The following NLGN1 variants were observed in gnomAD, a reference collection of about 807,000 sequenced individuals.
NLGN1 encodes neuroligin-1.
A neutral mutation model predicts 65.5 loss-of-function variants in NLGN1; 12 were observed. The observed-to-expected ratio is 0.18, with a 90% CI of 0.12 to 0.30. The LOEUF (loss-of-function observed/expected upper bound fraction) is 0.30. Among genes scored for constraint, NLGN1 ranks in the 10% least tolerant of loss-of-function variants. The pLI, the probability that NLGN1 is intolerant of heterozygous loss-of-function variation, is 1.00. For synonymous variants in NLGN1, 350 were observed against 359.5 expected, an observed-to-expected ratio of 0.97 and a Z score of 0.30; for missense variants, 750 against 1,007.1, an observed-to-expected ratio of 0.74 and a Z score of 3.46.
intron 3 of NLGN1, among the ~76,000 whole-genome samples, chr3:173,646,859 C>A (rs1758350221): frequency 6.6e-6 from 1 of 151,996 alleles, no homozygotes; most frequent in Admixed American, 6.5e-5. Context: ...ACATTGAAGG[C>A]AAATGTTTTA....
At chr3:173,612,640 C>T (rs1355647121) in intron 3 of NLGN1, among the ~76,000 whole-genome samples, 1 of 152,034 alleles carries the variant, frequency 6.6e-6, no homozygotes, top group African/African-American at 2.4e-5. Context: ...ACTTAGGGCC[C>T]TTTCTAATCC....
At chr3:173,665,573 A>G (rs1000457292) in intron 3 of NLGN1, among the ~76,000 whole-genome samples, 5 of 152,174 alleles carry the variant, frequency 3.3e-5, no homozygotes, top group African/African-American at 1.2e-4. Flanking sequence ...GGTTTACATA[A>G]TTGACATTGA....
chr3:173,527,548 C>T (rs146352018), intron 2 of NLGN1, among the ~76,000 whole-genome samples: 3,606 of 152,226 alleles, frequency 0.024, 56 homozygotes, highest in Middle Eastern at 0.048. Flanking sequence ...CAGGCGCCCG[C>T]CACCACGCCC....
intron 2 of NLGN1, among the ~76,000 whole-genome samples, chr3:173,453,265 G>T (rs1231556709): frequency 6.6e-6 from 1 of 151,308 alleles, no homozygotes; most frequent in Non-Finnish European, 1.5e-5. Flanking sequence ...TGTTGTACGT[G>T]TGTGTGTGTG....
chr3:173,659,310 AG>A (rs1760565282), intron 3 of NLGN1, among the ~76,000 whole-genome samples: 2 of 152,146 alleles, frequency 1.3e-5, no homozygotes, highest in South Asian at 4.1e-4. Flanking sequence ...ACCATATTAA[AG>A]AAAGGGCATT....
exon 7 of NLGN1, chr3:174,282,704 G>A (rs935100637): frequency 6.6e-6 from 1 of 152,114 alleles, no homozygotes; most frequent in Admixed American, 6.6e-5. Flanking sequence ...GTAATCAGAT[G>A]TACATTTATA....
chr3:174,026,791 TA>T (rs1728926634), intron 4 of NLGN1, among the ~76,000 whole-genome samples: 1 of 152,196 alleles, frequency 6.6e-6, no homozygotes, highest in Non-Finnish European at 1.5e-5. Context: ...AAACCACTTC[TA>T]TTACACAGCT....
chr3:174,090,337 G>C (rs1193824673), intron 4 of NLGN1, among the ~76,000 whole-genome samples: 2 of 152,080 alleles, frequency 1.3e-5, no homozygotes, highest in Non-Finnish European at 2.9e-5. Flanking sequence ...GCCTGGCGTG[G>C]TGGCAGGTGC....
chr3:174,021,466 T>C (rs1727735082), intron 4 of NLGN1, among the ~76,000 whole-genome samples: 1 of 152,150 alleles, frequency 6.6e-6, no homozygotes, highest in South Asian at 2.1e-4. Flanking sequence ...GTTTTGTTTT[T>C]TATTTATCAT....
intron 4 of NLGN1, among the ~76,000 whole-genome samples, chr3:174,081,047 G>C (rs1483382316): frequency 2.0e-5 from 3 of 151,594 alleles, no homozygotes; most frequent in African/African-American, 7.3e-5. Flanking sequence ...GAGAAATCTA[G>C]TTATTGTGTT....
At chr3:173,994,465 CAAA>C (rs1170577220) in intron 4 of NLGN1, among the ~76,000 whole-genome samples, 13 of 32,906 alleles carry the variant, frequency 4.0e-4, no homozygotes, top group South Asian at 2.1e-3. Flanking sequence ...TTGAGAAAAG[CAAA>C]AAAAAAAAAA....
intron 3 of NLGN1, among the ~76,000 whole-genome samples, chr3:173,662,268 A>T (rs1050211345): frequency 2.6e-5 from 4 of 152,048 alleles, no homozygotes; most frequent in African/African-American, 9.7e-5. Context: ...AAGTTAATAC[A>T]TACGGCAGTA....
intron 4 of NLGN1, among the ~76,000 whole-genome samples, chr3:174,022,304 G>T (rs1052941564): frequency 1.3e-5 from 2 of 152,020 alleles, no homozygotes; most frequent in African/African-American, 2.4e-5. Context: ...TAGCATATTT[G>T]TTACCGTGAC....
Position 174,132,954 on chromosome 3 carries a change from A to G in NLGN1, c.647-142361A>G, listed in dbSNP as rs551271392. On this transcript the variant is annotated intron_variant, in intron 4 of 6. Coordinates refer to ENST00000457714, the Ensembl canonical transcript of NLGN1. ...TAATCCATGATTTCTGGACAATCCA[A>G]CACCCTCCCCAAAGTTGCTGTGAAA... Among the ~76,000 whole-genome samples the G allele has an allele frequency of 2.0e-5, 3 of 152,266 alleles. No homozygotes were observed. In the East Asian group the frequency reaches 5.8e-4, roughly 29 times the overall value.
intron 4 of NLGN1, chr3:173,912,501 T>C (rs1739820602): frequency 6.6e-6 from 1 of 152,188 alleles, no homozygotes; most frequent in Non-Finnish European, 1.5e-5. Context: ...AGGGGCCTTA[T>C]AAATCATATG....
At chr3:173,804,592 A>G (rs1055340983) in intron 3 of NLGN1, among the ~76,000 whole-genome samples, 7 of 150,690 alleles carry the variant, frequency 4.6e-5, no homozygotes, top group Non-Finnish European at 7.4e-5. Flanking sequence ...ATTTATAAAG[A>G]GTCTGGTTCT....
intron 2 of NLGN1, among the ~76,000 whole-genome samples, chr3:173,557,974 A>C (rs1741986115): frequency 6.6e-6 from 1 of 152,062 alleles, no homozygotes; most frequent in Non-Finnish European, 1.5e-5. Context: ...AAATGTCTTT[A>C]AAATTTATTT....
intron 4 of NLGN1, among the ~76,000 whole-genome samples, chr3:174,070,160 G>A (rs2152532874): frequency 6.6e-6 from 1 of 152,232 alleles, no homozygotes; most frequent in Middle Eastern, 3.4e-3. Context: ...ATATTTTTCT[G>A]CAGCTCTGGA....
At chr3:174,022,263 A>G (rs1727892918) in intron 4 of NLGN1, among the ~76,000 whole-genome samples, 1 of 152,110 alleles carries the variant, frequency 6.6e-6, no homozygotes, top group South Asian at 2.1e-4. Flanking sequence ...AGTTTGCCTT[A>G]CAGAGTTTGC....
Sources: allele counts gnomAD v4.1 joint callset (sites outside exome capture counted in the v4.1 genomes callset), GRCh38; gene constraint gnomAD v4.1.1; transcripts MANE v1.5; gene names NCBI Gene and HGNC (gene_info 2026-07-23, HGNC 2026-07-21).